The following DZIP3 variants were observed in gnomAD, a reference collection of about 807,000 sequenced individuals.
DZIP3 encodes the protein DAZ interacting zinc finger protein 3.
A neutral mutation model predicts 162.0 loss-of-function variants in DZIP3; 118 were observed. That is an observed-to-expected ratio of 0.73 (90% confidence interval 0.63 to 0.85). The LOEUF is 0.85. Ranked by LOEUF, DZIP3 falls within the 40% of genes least tolerant of loss-of-function variation. The pLI is 0.00. For synonymous variants in DZIP3, 438 were observed against 458.6 expected, an observed-to-expected ratio of 0.96 and a Z score of 0.57; for missense variants, 1,331 against 1,407.0, an observed-to-expected ratio of 0.95 and a Z score of 0.86.
chr3:108,647,877 A>T, intron 15 of DZIP3, 66 bp from the exon 16 acceptor site: 2 of 1,345,450 alleles, frequency 1.5e-6, no homozygotes, highest in Non-Finnish European at 2.0e-6. Flanking sequence ...GGCAAACATT[A>T]TAACATTGAT....
At chr3:108,670,474 C>T (rs1943887273) in intron 22 of DZIP3, among the ~76,000 whole-genome samples, 1 of 151,864 alleles carries the variant, frequency 6.6e-6, no homozygotes, top group African/African-American at 2.4e-5. Flanking sequence ...ATTACTCATA[C>T]CTTTTTATGG....
chr3:108,632,974 A>G lies in DZIP3; in HGVS notation c.718A>G (p.Lys240Glu). 1 of 1,422,108 alleles carries G rather than the reference A, an allele frequency of 7.0e-7. No homozygotes were observed. The highest frequency in any genetic ancestry group is 1.6e-5 in the South Asian group (1 of 63,576). The allele number at this position is 1,422,108 out of a possible 1,614,324, so 88.1% of individuals were successfully genotyped here. A position where few individuals can be genotyped will look rare whatever the true frequency, so the allele number is the denominator to read the frequency against. Residue 240 changes from lysine to glutamate, a missense_variant, in exon 9 of 33, where the codon AAG becomes GAG. By Grantham distance (56) the Lys-to-Glu change is moderately conservative (BLOSUM62 1). Around this residue, in one of 2 missense-constraint regions of DZIP3, gnomAD observed 1,278 missense variants for 1,317.1 expected, o/e 0.97. Transcript: ENST00000361582. ...CTAGGATCTTCTTAATAATTTTATC[A>G]AGACAACTGAAAGCAATATAATGAA... is the stretch of plus-strand genomic sequence containing the variant. Reference protein sequence around the residue: ...TFKDLLNNFIKTTESNIMKQT... With the variant: ...TFKDLLNNFIETTESNIMKQT...
At chr3:108,658,690 A>G (rs1436577894) in intron 19 of DZIP3, among the ~76,000 whole-genome samples, 9 of 152,284 alleles carry the variant, frequency 5.9e-5, no homozygotes, top group Admixed American at 2.6e-4. Flanking sequence ...CAAAAAATCA[A>G]TGAATCCAGG....
intron 21 of DZIP3, among the ~76,000 whole-genome samples, chr3:108,664,778 G>A (rs542873184): frequency 2.0e-5 from 3 of 152,308 alleles, no homozygotes; most frequent in Non-Finnish European, 4.4e-5. Context: ...GCCCAGCAAG[G>A]AGCTGATCTT....
intron 6 of DZIP3, 96 bp from the exon 7 acceptor site, chr3:108,625,749 C>A: frequency 8.1e-7 from 1 of 1,228,700 alleles, no homozygotes; most frequent in South Asian, 1.9e-5. Flanking sequence ...ATTTTTAAAG[C>A]TGCCCTAATT....
chr3:108,681,807 ACT>A (rs1944321594), intron 26 of DZIP3, among the ~76,000 whole-genome samples: 2 of 150,284 alleles, frequency 1.3e-5, no homozygotes, highest in Non-Finnish European at 2.9e-5. Context: ...AGAAGTCACC[ACT>A]CTCAGCAAAC....
At chr3:108,647,025 A>G (rs1425906363) in intron 15 of DZIP3, among the ~76,000 whole-genome samples, 1 of 152,166 alleles carries the variant, frequency 6.6e-6, no homozygotes, top group Non-Finnish European at 1.5e-5. Context: ...TGGGCGACAG[A>G]GCGAGATTCA....
At chr3:108,659,839 C>A (rs2107285663) in intron 19 of DZIP3, among the ~76,000 whole-genome samples, 1 of 152,132 alleles carries the variant, frequency 6.6e-6, no homozygotes, top group East Asian at 1.9e-4. Flanking sequence ...TCTTATACAC[C>A]AATAACAGAC....
At chr3:108,631,055 A>ACACATACACACTCTCT in intron 8 of DZIP3, among the ~76,000 whole-genome samples, 3 of 18,010 alleles carry the variant, frequency 1.7e-4, no homozygotes, top group African/African-American at 8.5e-4. Context: ...ACACACACAC[A>ACACATACACACTCTCT]CTCTCTCTCT....
intron 21 of DZIP3, among the ~76,000 whole-genome samples, chr3:108,664,159 A>G (rs988947924): frequency 3.9e-5 from 6 of 152,190 alleles, no homozygotes; most frequent in East Asian, 1.9e-4. Flanking sequence ...TGCCTCCCAT[A>G]TATCTCGGGA....
rs1302585272 is a variant in DZIP3 at position 108,662,119 on chromosome 3, T to G, written c.2296-11T>G. The G allele has an allele frequency of 1.3e-6, 2 of 1,581,860 alleles. No individual in the cohort carries two copies. Among genetic ancestry groups the G allele is most frequent in the South Asian group, 1.2e-5 (1 of 84,928 alleles). On this transcript the variant is annotated splice_polypyrimidine_tract_variant and intron_variant, in intron 20 of 32. Coordinates refer to ENST00000361582, the MANE Select transcript of DZIP3 (RefSeq NM_014648.4). ...ACATAATTATCTGAAATAATATTTT[T>G]TATTGATCAGGATTTCAAAAGACAG...
intron 9 of DZIP3, 98 bp from the exon 10 acceptor site, chr3:108,634,773 C>T: frequency 1.8e-6 from 1 of 562,750 alleles, no homozygotes; most frequent in Non-Finnish European, 2.8e-6. Flanking sequence ...TAAAATCTAT[C>T]TAATTATAGA....
At chr3:108,656,116 T>G (rs897503083) in intron 19 of DZIP3, among the ~76,000 whole-genome samples, 2 of 152,196 alleles carry the variant, frequency 1.3e-5, no homozygotes, top group African/African-American at 4.8e-5. Flanking sequence ...CAGACTTAAA[T>G]GTCCCTGTCT....
intron 26 of DZIP3, among the ~76,000 whole-genome samples, chr3:108,682,017 T>G (rs1037966144): frequency 1.1e-4 from 17 of 150,398 alleles, no homozygotes; most frequent in Non-Finnish European, 2.5e-4. Flanking sequence ...CCATGGCACA[T>G]GTATACCTAT....
chr3:108,638,317 T>TTTTG (rs59900626), intron 12 of DZIP3, among the ~76,000 whole-genome samples: 13 of 151,818 alleles, frequency 8.6e-5, no homozygotes, highest in South Asian at 2.1e-4. Flanking sequence ...ATTTAGGTTT[T>TTTTG]TTTGTTTGTT....
rs373960579 is a variant in DZIP3 at position 108,672,551 on chromosome 3, G to A, written c.2493-9G>A. ...AATATTGCGAGTCTTTAATGATCAT[G>A]TATTTCAGATCTCAGTGGGAAATGG... On this transcript the variant is annotated splice_polypyrimidine_tract_variant and intron_variant, in intron 22 of 32. Coordinates refer to ENST00000361582, the MANE Select transcript of DZIP3 (RefSeq NM_014648.4). 46 of 1,607,748 alleles carry A rather than the reference G, an allele frequency of 2.9e-5. No homozygotes were observed. The highest frequency in any genetic ancestry group is 6.7e-5 in the African/African-American group (5 of 74,634).
chr3:108,609,794 T>G (rs990624335), intron 3 of DZIP3, among the ~76,000 whole-genome samples: 4 of 152,192 alleles, frequency 2.6e-5, no homozygotes. Flanking sequence ...TGAGCCGTGT[T>G]CATGCCACTG....
chr3:108,677,572 C>T lies in DZIP3; in HGVS notation c.2857C>T (p.Pro953Ser). Reference protein sequence around the residue: ...LSTLPPVQLPPPPPSPEILMQ... With the variant: ...LSTLPPVQLPSPPPSPEILMQ... ...TACCTTGCCTCCAGTCCAGCTTCCT[C>T]CTCCACCACCCAGTCCTGAGATACT... The change falls in exon 26 of 33, where the codon CCT (proline) becomes TCT (serine). Residue 953 changes from proline (P) to serine (S), a missense_variant. Transcript: ENST00000361582. The T allele has an allele frequency of 6.2e-7, 1 of 1,612,540 alleles. No individual in the cohort carries two copies. The highest frequency in any genetic ancestry group is 8.5e-7 in the Non-Finnish European group (1 of 1,178,918).
chr3:108,615,413 AT>A lies in DZIP3; in HGVS notation c.259-1125del, dbSNP rs768784048. Among the ~76,000 whole-genome samples the A allele has an allele frequency of 6.8e-4, 103 of 152,304 alleles. 1 individual carries two copies. The highest frequency in any genetic ancestry group is 1.3e-3 in the Admixed American group (20 of 15,306). ...GTGAAGTTCTTGGCTAGAAATGTAAATTTGGAAACTGTCAGTATGTAGACAC... is the reference window on the plus strand; with the variant it reads ...GTGAAGTTCTTGGCTAGAAATGTAAATTGGAAACTGTCAGTATGTAGACAC... On this transcript the variant is annotated intron_variant, in intron 4 of 32. Coordinates refer to ENST00000361582, the MANE Select transcript of DZIP3 (RefSeq NM_014648.4).
Sources: allele counts gnomAD v4.1 joint callset (sites outside exome capture counted in the v4.1 genomes callset), GRCh38; gene constraint gnomAD v4.1.1; regional missense constraint gnomAD v4.1.1; transcripts MANE v1.5; gene names NCBI Gene and HGNC (gene_info 2026-07-23, HGNC 2026-07-21).